Variants in ANKS1B observed in about 807,000 individuals in gnomAD.
The protein encoded by ANKS1B is ankyrin repeat and sterile alpha motif domain-containing protein 1B.
ANKS1B carries 36 observed loss-of-function variants against 148.3 expected under a neutral mutation model. That is an observed-to-expected ratio of 0.24 (90% CI 0.19 to 0.32). The LOEUF (loss-of-function observed/expected upper bound fraction) is 0.32. Ranked by LOEUF, ANKS1B falls within the 10% of genes least tolerant of loss-of-function variation. The pLI is 1.00. For missense variants in ANKS1B, 1,157 were observed against 1,542.6 expected (o/e 0.75, Z 4.19); for synonymous variants, 542 against 560.8 (o/e 0.97, Z 0.47).
intron 1 of ANKS1B, among the ~76,000 whole-genome samples, chr12:99,972,629 A>G (rs1198589004): frequency 6.6e-6 from 1 of 152,230 alleles, no homozygotes; most frequent in Non-Finnish European, 1.5e-5. Flanking sequence ...AGCCATCTCC[A>G]TGACATAAAA....
In ANKS1B at chr12:98,751,597, G is replaced by A. The variant is rs1356666629; in HGVS notation, c.3580-75C>T. 1 of 1,426,652 alleles carries A rather than the reference G, an allele frequency of 7.0e-7. No individual in the cohort carries two copies. Among genetic ancestry groups the A allele is most frequent in the Admixed American group, 1.8e-5 (1 of 55,042 alleles). The allele number at this position is 1,426,652 out of a possible 1,614,324, so 88.4% of individuals were successfully genotyped here. On this transcript the variant is annotated intron_variant, in intron 25 of 26. Transcript: ENST00000683438. The surrounding 1 kb of genome is among the most constrained non-coding windows in gnomAD (Gnocchi z 4.3). The stretch of plus-strand genomic sequence containing the variant: ...ATGGGTCGAATGGCTGAGGAACACT[G>A]AGGGAGGTGAACTAGGGAGGAACTT...
chr12:98,749,266 C>CT (rs76494857), intron 26 of ANKS1B, among the ~76,000 whole-genome samples: 2,611 of 143,808 alleles, frequency 0.018, 64 homozygotes, highest in African/African-American at 0.06. Context: ...GCCCAGCTAA[C>CT]TTTTTTTTTT....
At chr12:99,856,732 T>C (rs968237305) in intron 1 of ANKS1B, among the ~76,000 whole-genome samples, 15 of 151,936 alleles carry the variant, frequency 9.9e-5, no homozygotes, top group African/African-American at 3.6e-4. Flanking sequence ...GTTTAACATA[T>C]ACAAGTAAAG....
intron 12 of ANKS1B, among the ~76,000 whole-genome samples, chr12:99,359,555 T>C (rs2152423783): frequency 6.6e-6 from 1 of 152,210 alleles, no homozygotes; most frequent in East Asian, 1.9e-4. Context: ...AGTTTCTTAT[T>C]GTTAAAAAAG....
intron 10 of ANKS1B, among the ~76,000 whole-genome samples, chr12:99,485,824 C>T (rs56255335): frequency 6.6e-6 from 1 of 152,108 alleles, no homozygotes; most frequent in Non-Finnish European, 1.5e-5. Context: ...ATTGTTAAAA[C>T]TTTCCACTGC....
chr12:99,891,388 T>G (rs886816158), intron 1 of ANKS1B, among the ~76,000 whole-genome samples: 1 of 152,140 alleles, frequency 6.6e-6, no homozygotes, highest in Non-Finnish European at 1.5e-5. Flanking sequence ...TATCTCATTG[T>G]GATTTTTTTA....
chr12:99,029,737 G>A (rs1021941342), intron 17 of ANKS1B, among the ~76,000 whole-genome samples: 3 of 152,344 alleles, frequency 2.0e-5, no homozygotes, highest in South Asian at 2.1e-4. Flanking sequence ...AGCTTTACAC[G>A]TGACGTAAAG....
chr12:99,026,210 C>T (rs1263409364), intron 17 of ANKS1B, among the ~76,000 whole-genome samples: 1 of 152,030 alleles, frequency 6.6e-6, no homozygotes, highest in African/African-American at 2.4e-5. Flanking sequence ...CTTTCTAGAC[C>T]AATAGCCAAA....
chr12:98,868,550 G>A (rs2099637224), intron 17 of ANKS1B, among the ~76,000 whole-genome samples: 1 of 152,206 alleles, frequency 6.6e-6, no homozygotes, highest in South Asian at 2.1e-4. Context: ...CTCAAAGGTT[G>A]ATGACATGAC....
At chr12:99,880,918 C>T (rs531970997) in intron 1 of ANKS1B, among the ~76,000 whole-genome samples, 2 of 152,136 alleles carry the variant, frequency 1.3e-5, no homozygotes, top group Non-Finnish European at 2.9e-5. Context: ...CCACTAGAAC[C>T]CTTAGCCAGA....
chr12:98,760,585 G>T (rs1474497779), intron 25 of ANKS1B, among the ~76,000 whole-genome samples: 2 of 152,210 alleles, frequency 1.3e-5, no homozygotes, highest in East Asian at 3.8e-4. Context: ...CTCTCTGCAG[G>T]TGCTGTCATG....
chr12:99,486,652 A>C (rs534970979), intron 10 of ANKS1B, among the ~76,000 whole-genome samples: 2 of 152,226 alleles, frequency 1.3e-5, no homozygotes, highest in East Asian at 3.9e-4. Context: ...TGGCTGGAGG[A>C]GCTCACAGTG....
chr12:99,959,009 C>T (rs996888962), intron 1 of ANKS1B, among the ~76,000 whole-genome samples: 10 of 149,706 alleles, frequency 6.7e-5, no homozygotes, highest in East Asian at 5.9e-4. Flanking sequence ...ATACAGGTTT[C>T]GGGTAGATTT....
intron 26 of ANKS1B, 30 bp from the exon 27 acceptor site, chr12:98,745,879 T>G: frequency 3.1e-6 from 5 of 1,594,290 alleles, no homozygotes; most frequent in Non-Finnish European, 4.3e-6. Context: ...ATGCCTGTTA[T>G]ACGGTCGCCG....
chr12:99,948,462 A>G (rs190925897), intron 1 of ANKS1B, among the ~76,000 whole-genome samples: 332 of 152,282 alleles, frequency 2.2e-3, no homozygotes, highest in African/African-American at 7.6e-3. Context: ...TATCATTTTA[A>G]TTTAGATACA....
At chr12:99,365,708 A>C (rs1281178744) in intron 12 of ANKS1B, among the ~76,000 whole-genome samples, 2 of 152,144 alleles carry the variant, frequency 1.3e-5, no homozygotes, top group Non-Finnish European at 2.9e-5. Context: ...TGGGGATCAG[A>C]GTGCTGAATG....
intron 1 of ANKS1B, among the ~76,000 whole-genome samples, chr12:99,982,439 A>C (rs918775036): frequency 6.6e-6 from 1 of 152,188 alleles, no homozygotes; most frequent in African/African-American, 2.4e-5. Flanking sequence ...TCACAATAAA[A>C]TTAAGTGAAA....
intron 17 of ANKS1B, among the ~76,000 whole-genome samples, chr12:98,846,990 T>G (rs2099480244): frequency 6.6e-6 from 1 of 152,216 alleles, no homozygotes; most frequent in Non-Finnish European, 1.5e-5. Flanking sequence ...TGCATACAAC[T>G]TGATCAATTT....
At chr12:99,023,942 T>TTA (rs1390591262) in intron 17 of ANKS1B, among the ~76,000 whole-genome samples, 6 of 149,878 alleles carry the variant, frequency 4.0e-5, no homozygotes, top group African/African-American at 1.5e-4. Context: ...TCTATATAAA[T>TTA]TATATATAAC....
Sources: allele counts gnomAD v4.1 joint callset (sites outside exome capture counted in the v4.1 genomes callset), GRCh38; gene constraint gnomAD v4.1.1; non-coding constraint Gnocchi (gnomAD v3.1); transcripts MANE v1.5; gene names NCBI Gene and HGNC (gene_info 2026-07-23, HGNC 2026-07-21).